C12orf42: variants seen among roughly 807,000 people sequenced by gnomAD.
C12orf42 encodes chromosome 12 open reading frame 42.
A neutral mutation model predicts 21.6 loss-of-function variants in C12orf42; 25 were observed. The ratio of observed to expected loss-of-function variants is 1.16; its 90% confidence interval spans 0.84 to 1.62. The LOEUF (loss-of-function observed/expected upper bound fraction) is 1.62. Ranked by LOEUF, C12orf42 falls within the 40% of genes most tolerant of loss-of-function variation. The pLI is 0.00. For synonymous variants in C12orf42, 174 were observed against 175.0 expected (o/e 0.99, Z 0.05); for missense variants, 483 against 459.3 (o/e 1.05, Z -0.47).
intron 2 of C12orf42, among the ~76,000 whole-genome samples, chr12:103,451,077 G>C (rs1951907382): frequency 6.6e-6 from 1 of 152,036 alleles, no homozygotes; most frequent in African/African-American, 2.4e-5. Flanking sequence ...TCAGACTGCT[G>C]TAGGACACCG....
the C12orf42 span, among the ~76,000 whole-genome samples, chr12:103,208,376 G>C: frequency 2.0e-5 from 3 of 152,044 alleles, no homozygotes; most frequent in Non-Finnish European, 4.4e-5. Flanking sequence ...TTGCGTAAAA[G>C]ACACAGGTTG....
chr12:103,266,790 G>A (rs761680267), downstream of C12orf42, among the ~76,000 whole-genome samples: 5 of 152,046 alleles, frequency 3.3e-5, no homozygotes, highest in Non-Finnish European at 5.9e-5. Flanking sequence ...TTGTGAGCAG[G>A]TGGGGAGCTA....
At chr12:103,224,449 A>G in the C12orf42 span, among the ~76,000 whole-genome samples, 51 of 152,228 alleles carry the variant, frequency 3.4e-4, 1 homozygote, top group South Asian at 0.011. Flanking sequence ...ATTAAGCGTG[A>G]TCAGGGTGAG....
intron 2 of C12orf42, among the ~76,000 whole-genome samples, chr12:103,430,261 G>C (rs1261304074): frequency 1.3e-5 from 2 of 151,894 alleles, no homozygotes; most frequent in Non-Finnish European, 2.9e-5. Context: ...TAAACAAATT[G>C]ACAAGAAAAA....
rs546239051 is a variant in C12orf42 at position 103,461,983 on chromosome 12, A to C, written c.78+16366T>G. Among the ~76,000 whole-genome samples the C allele has an allele frequency of 9.9e-5, 15 of 151,800 alleles. No individual in the cohort carries two copies. The South Asian group carries it at 3.1e-3, about 32-fold the overall frequency. ...ATTGGACTCTTTGGCACATCTACTT[A>C]GTCTGGACTCAAGGGTAGATACAGC... On this transcript the variant is annotated intron_variant, in intron 2 of 5. Coordinates refer to ENST00000548883, the MANE Select transcript of C12orf42 (RefSeq NM_198521.5).
At chr12:103,492,838 CT>C (rs1955269231) in intron 1 of C12orf42, among the ~76,000 whole-genome samples, 1 of 152,186 alleles carries the variant, frequency 6.6e-6, no homozygotes, top group South Asian at 2.1e-4. Context: ...ACACCCCCAT[CT>C]TGATTCTCTT....
the C12orf42 span, among the ~76,000 whole-genome samples, chr12:103,111,592 G>A: frequency 6.6e-6 from 1 of 152,202 alleles, no homozygotes; most frequent in Non-Finnish European, 1.5e-5. Context: ...AGAAATGGTA[G>A]ACAGATTCAA....
At chr12:103,350,509 A>G (rs2043016751) in intron 4 of C12orf42, among the ~76,000 whole-genome samples, 1 of 152,210 alleles carries the variant, frequency 6.6e-6, no homozygotes, top group Non-Finnish European at 1.5e-5. Flanking sequence ...CTATTTTATT[A>G]TTAGTTATAG....
intron 2 of C12orf42, among the ~76,000 whole-genome samples, chr12:103,447,915 T>C (rs982965603): frequency 6.6e-6 from 1 of 151,742 alleles, no homozygotes; most frequent in African/African-American, 2.4e-5. Context: ...AATACTACCA[T>C]CATTCTTCAC....
intron 1 of C12orf42, among the ~76,000 whole-genome samples, chr12:103,489,923 C>T (rs1012192432): frequency 6.6e-6 from 1 of 152,226 alleles, no homozygotes; most frequent in African/African-American, 2.4e-5. Context: ...GCCAATGCCC[C>T]GCCCTGCTTC....
intron 4 of C12orf42, among the ~76,000 whole-genome samples, chr12:103,290,678 A>G (rs1227274041): frequency 6.6e-6 from 1 of 152,212 alleles, no homozygotes; most frequent in Non-Finnish European, 1.5e-5. Context: ...GGTCTTTGCC[A>G]TTCTAACATC....
At chr12:103,340,052 AAAG>A (rs1269103802) in intron 4 of C12orf42, among the ~76,000 whole-genome samples, 3 of 152,240 alleles carry the variant, frequency 2.0e-5, no homozygotes, top group African/African-American at 4.8e-5. Context: ...TAGCCCCTTG[AAAG>A]AAGTTTACTG....
intron 4 of C12orf42, among the ~76,000 whole-genome samples, chr12:103,311,422 A>G (rs1156593596): frequency 1.3e-5 from 2 of 151,978 alleles, no homozygotes; most frequent in Non-Finnish European, 1.5e-5. Flanking sequence ...AATGAACTTC[A>G]GCAAACCAGA....
chr12:103,412,022 G>A (rs562408100), intron 2 of C12orf42, among the ~76,000 whole-genome samples: 2 of 152,278 alleles, frequency 1.3e-5, no homozygotes, highest in South Asian at 4.1e-4. Context: ...ACAATGATCT[G>A]AGTTAGTAGA....
At chr12:103,522,176 A>G in the C12orf42 span, among the ~76,000 whole-genome samples, 1 of 152,168 alleles carries the variant, frequency 6.6e-6, no homozygotes, top group East Asian at 1.9e-4. Flanking sequence ...ATGGTAGTGA[A>G]TAAGTCTCAC....
the C12orf42 span, among the ~76,000 whole-genome samples, chr12:103,220,383 CTG>C: frequency 6.6e-6 from 1 of 151,876 alleles, no homozygotes; most frequent in African/African-American, 2.4e-5. Flanking sequence ...TATCCCAAAA[CTG>C]TAAGTATAAT....
At chr12:103,289,132 T>G (rs1396001895) in intron 4 of C12orf42, among the ~76,000 whole-genome samples, 1 of 152,132 alleles carries the variant, frequency 6.6e-6, no homozygotes, top group Non-Finnish European at 1.5e-5. Context: ...TACTAATATA[T>G]TACATATTTG....
chr12:103,193,130 T>A, the C12orf42 span, among the ~76,000 whole-genome samples: 16 of 151,916 alleles, frequency 1.1e-4, no homozygotes, highest in Non-Finnish European at 2.4e-4. Flanking sequence ...CACCAACACA[T>A]TCATCAATAA....
At chr12:103,401,473 T>C (rs2047986141) in intron 3 of C12orf42, 134 bp downstream of exon 3, 2 of 747,116 alleles carry the variant, frequency 2.7e-6, no homozygotes, top group African/African-American at 3.6e-5. Context: ...TCTTCTTATT[T>C]TAAAATGTAA....
Sources: gnomAD v4.1 joint callset for allele counts (sites outside exome capture counted in the v4.1 genomes callset) on GRCh38, gnomAD v4.1.1 for gene constraint, MANE v1.5 for transcripts, NCBI Gene and HGNC (gene_info 2026-07-23, HGNC 2026-07-21) for gene names.